RAB11FIP5: variants seen among roughly 807,000 people sequenced by gnomAD.
RAB11FIP5 encodes the protein RAB11 family interacting protein 5.
In RAB11FIP5, 48 loss-of-function variants were observed where a neutral mutation model predicts 85.1. The observed-to-expected ratio is 0.56, with a 90% CI of 0.45 to 0.72. The LOEUF is 0.72. RAB11FIP5 is among the 30% of genes least tolerant of loss of function. RAB11FIP5 has a pLI of 0.00. For synonymous variants in RAB11FIP5, 729 were observed against 727.3 expected (o/e 1.00, Z -0.04); for missense variants, 1,491 against 1,687.0 (o/e 0.88, Z 2.04).
chr2:73,096,015 G>A (rs1041571030), intron 1 of RAB11FIP5, among the ~76,000 whole-genome samples: 1 of 152,160 alleles, frequency 6.6e-6, no homozygotes, highest in Non-Finnish European at 1.5e-5. Context: ...GAGAGGCTGG[G>A]ACCACAAGGA....
In RAB11FIP5 at chr2:73,094,474, C is replaced by T. The variant is rs565719337; in HGVS notation, c.432-5159G>A. 4.6e-5 allele frequency among the ~76,000 whole-genome samples: 7 copies of T among 152,318 alleles called. No homozygotes were observed. In the South Asian group the frequency reaches 1.5e-3, roughly 32 times the overall value. The stretch of plus-strand genomic sequence containing the variant: ...TGTAGCACCCAAACCTGCTATGCAT[C>T]GGTGCAGGATTTATATACAGATATA... On this transcript the variant is annotated intron_variant, in intron 1 of 5. Transcript: ENST00000486777.
intron 1 of RAB11FIP5, among the ~76,000 whole-genome samples, chr2:73,104,954 G>GC (rs1005387234): frequency 6.6e-6 from 1 of 152,208 alleles, no homozygotes; most frequent in African/African-American, 2.4e-5. Flanking sequence ...TTCCCCCACA[G>GC]CACTGACCTA....
rs1240751111 is a variant in RAB11FIP5, at chr2:73,078,468, C to T, written c.3581+1183G>A. Among the ~76,000 whole-genome samples the T allele has an allele frequency of 6.6e-6, 1 of 152,250 alleles. No homozygotes were observed. The highest frequency in any genetic ancestry group is 1.9e-4 in the East Asian group (1 of 5,194). ...ACCAGCTCCCCCACATCCTCTCCCT[C>T]ACCTCAAGGGAGGAGAGTCACCACC... On this transcript the variant is annotated intron_variant, in intron 4 of 5. Transcript: ENST00000486777. The surrounding 1 kb of genome is among the most constrained non-coding windows in gnomAD (Gnocchi z 4.4).
In RAB11FIP5 at chr2:73,081,259, C is replaced by A. The variant is rs1210146240; in HGVS notation, c.1973G>T (p.Ser658Ile). The A allele has an allele frequency of 3.2e-6, 4 of 1,232,264 alleles. No homozygotes were observed. In the Admixed American group the frequency reaches 1.3e-4, roughly 39 times the overall value. 76.3% of individuals were successfully genotyped at this position (1,232,264 alleles called of 1,614,324 possible). Residue 658 changes from serine to isoleucine, a missense_variant, in exon 4 of 6, where the codon AGC (serine) becomes ATC (isoleucine). Physicochemically the swap from Ser to Ile is moderately radical, Grantham distance 142 (BLOSUM62 -2). Transcript: ENST00000486777. The surrounding 1 kb of genome is among the most constrained non-coding windows in gnomAD (Gnocchi z 4.2). ...WDNTFNVFAA[S>I]RLRPEARSEI... is the part of the protein sequence containing the mutation. The stretch of plus-strand genomic sequence containing the variant: ...GCTCCTGGCCTCTGGACGCAGCCTG[C>A]TGGCAGCAAAGACGTTGAAGGTGTT...
At position 73,081,087 on chromosome 2, in the gene RAB11FIP5, C is replaced by T; in HGVS notation, c.2145G>A (p.Gly715=). The part of the protein sequence containing the change: ...GGGGGGGGRG[G]SSVWLEPRVP... ...CCCTGGGCTCCAGCCACACGCTGCT[C>T]CCACCTCTTCCTCCTCCTCCTCCTC... is the stretch of plus-strand genomic sequence containing the variant. The change falls in exon 4 of 6, where the codon GGG becomes GGA. Residue 715 remains glycine (G), a synonymous_variant. Transcript: ENST00000486777. The surrounding 1 kb of genome is among the most constrained non-coding windows in gnomAD (Gnocchi z 4.2). 1.6e-6 allele frequency: 2 copies of T among 1,221,444 alleles called. No homozygotes were observed. The highest frequency in any genetic ancestry group is 2.0e-6 in the Non-Finnish European group (2 of 988,954). 75.7% of individuals were successfully genotyped at this position (1,221,444 alleles called of 1,614,324 possible).
intron 3 of RAB11FIP5, among the ~76,000 whole-genome samples, chr2:73,082,240 GC>G (rs1683998590): frequency 6.6e-6 from 1 of 152,006 alleles, no homozygotes; most frequent in African/African-American, 2.4e-5. Context: ...CGAACTCCTG[GC>G]CTCGTGATCT....
chr2:73,084,033 GAGC>G (rs1209456184), intron 3 of RAB11FIP5: 6 of 152,320 alleles, frequency 3.9e-5, no homozygotes, highest in African/African-American at 1.4e-4. Context: ...GCAGGGACAA[GAGC>G]GGCAGGGGAG....
Position 73,099,806 on chromosome 2 carries a change from T to C in RAB11FIP5, c.432-10491A>G, listed in dbSNP as rs1006346177. Among the ~76,000 whole-genome samples, 5 of 152,310 alleles carry C rather than the reference T, an allele frequency of 3.3e-5. No individual in the cohort carries two copies. In the South Asian group the frequency reaches 6.2e-4, roughly 19 times the overall value. On this transcript the variant is annotated intron_variant, in intron 1 of 5. Coordinates refer to ENST00000486777, the MANE Select transcript of RAB11FIP5 (RefSeq NM_001371272.1). ...CCACCTGAGCCTCACCTGCTATGGT[T>C]GCAACCCAGCAGGTCTGCAGCTTCT...
chr2:73,095,820 G>T (rs559578134), intron 1 of RAB11FIP5, among the ~76,000 whole-genome samples: 2 of 152,212 alleles, frequency 1.3e-5, no homozygotes, highest in East Asian at 3.9e-4. Context: ...GCCAGTAAAG[G>T]CCTGGCTACA....
At chr2:73,097,055 T>C (rs528590088) in intron 1 of RAB11FIP5, among the ~76,000 whole-genome samples, 1 of 151,820 alleles carries the variant, frequency 6.6e-6, no homozygotes, top group African/African-American at 2.4e-5. Context: ...TATTTTATTT[T>C]GAGATGGGGT....
chr2:73,104,381 C>T (rs1256482822), intron 1 of RAB11FIP5, among the ~76,000 whole-genome samples: 2 of 151,974 alleles, frequency 1.3e-5, no homozygotes, highest in Non-Finnish European at 2.9e-5. Flanking sequence ...AGTTCGAGAC[C>T]AGCCTGGCCA....
intron 1 of RAB11FIP5, among the ~76,000 whole-genome samples, chr2:73,105,057 GGAA>G (rs1337346756): frequency 6.6e-6 from 1 of 152,204 alleles, no homozygotes; most frequent in East Asian, 1.9e-4. Flanking sequence ...TGCTGCAGGA[GGAA>G]GAACAGGATG....
rs1684149689 is a variant in RAB11FIP5 at position 73,088,916 on chromosome 2, G to A, written c.831C>T (p.Arg277=). ...YQGPGAELLT[R]SPSRSSWLST... ...ACAGCCAGCTGCTACGGCTTGGTGA[G>A]CGGGTGAGGAGTTCGGCGCCAGGTC... The change falls in exon 2 of 6, where the codon CGC becomes CGT. Residue 277 remains arginine, a synonymous_variant. Coordinates refer to ENST00000486777, the MANE Select transcript of RAB11FIP5 (RefSeq NM_001371272.1). 6.3e-7 allele frequency: 1 copy of A among 1,593,524 alleles called. No individual in the cohort carries two copies.
At chr2:73,106,633 A>G (rs1379138836) in intron 1 of RAB11FIP5, among the ~76,000 whole-genome samples, 1 of 152,060 alleles carries the variant, frequency 6.6e-6, no homozygotes, top group African/African-American at 2.4e-5. Flanking sequence ...TTCCACAGAA[A>G]CTCCGGGGTG....
Position 73,076,106 on chromosome 2 carries a change from T to C in RAB11FIP5, c.3658A>G (p.Ser1220Gly), listed in dbSNP as rs765445610. 27 of 1,613,932 alleles carry C rather than the reference T, an allele frequency of 1.7e-5. No individual in the cohort carries two copies. Among genetic ancestry groups the C allele is most frequent in the Non-Finnish European group, 2.3e-5 (27 of 1,179,914 alleles). ...PDRKQSRSSL[S>G]IALSSGLEKL... ...TCCAGCCCACTGCTCAGGGCTATGC[T>C]CAGACTGGAGCGGGACTGCTTCCTG... Residue 1220 changes from serine to glycine, a missense_variant, in exon 5 of 6, where the codon AGC (serine) becomes GGC (glycine). This residue lies in a region of RAB11FIP5 where 232 missense variants were observed against 259.1 expected (regional missense o/e 0.90). Coordinates refer to ENST00000486777, the MANE Select transcript of RAB11FIP5 (RefSeq NM_001371272.1).
At chr2:73,083,366 T>C (rs115456946) in intron 3 of RAB11FIP5, among the ~76,000 whole-genome samples, 4,716 of 152,236 alleles carry the variant, frequency 0.031, 243 homozygotes, top group African/African-American at 0.11. Flanking sequence ...CCAAAGATGG[T>C]TCTGGGAGAA....
intron 1 of RAB11FIP5, among the ~76,000 whole-genome samples, chr2:73,102,832 G>C (rs1438206607): frequency 2.0e-5 from 3 of 152,204 alleles, no homozygotes; most frequent in Non-Finnish European, 4.4e-5. Flanking sequence ...GGAGACCTAG[G>C]TTCTAGTCCT....
chr2:73,082,733 C>T (rs1684010991), intron 3 of RAB11FIP5, among the ~76,000 whole-genome samples: 1 of 152,180 alleles, frequency 6.6e-6, no homozygotes, highest in Non-Finnish European at 1.5e-5. Flanking sequence ...CAGGTTCTGG[C>T]CTTCATCTGT....
At chr2:73,082,192 G>A (rs1683998014) in intron 3 of RAB11FIP5, among the ~76,000 whole-genome samples, 1 of 152,074 alleles carries the variant, frequency 6.6e-6, no homozygotes, top group Admixed American at 6.6e-5. Flanking sequence ...TGTATTTTTA[G>A]GAGAGATGAG....
Sources: gnomAD v4.1 joint callset for allele counts (sites outside exome capture counted in the v4.1 genomes callset) on GRCh38, gnomAD v4.1.1 for gene constraint, gnomAD v4.1.1 regional missense constraint, Gnocchi (gnomAD v3.1) non-coding constraint, MANE v1.5 for transcripts, NCBI Gene and HGNC (gene_info 2026-07-23, HGNC 2026-07-21) for gene names.